The following WASHC2A variants were observed in gnomAD, a reference collection of about 807,000 sequenced individuals.
WASHC2A encodes WASH complex subunit FAM21A.
A neutral mutation model predicts 140.3 loss-of-function variants in WASHC2A; 82 were observed. That is an observed-to-expected ratio of 0.58 (90% confidence interval 0.49 to 0.70). The LOEUF is 0.70. WASHC2A is among the 30% of genes least tolerant of loss of function. The pLI is 0.00. For synonymous variants in WASHC2A, 340 were observed against 560.8 expected (o/e 0.61, Z 5.56); for missense variants, 985 against 1,521.8 (o/e 0.65, Z 5.87).
In WASHC2A at chr10:50,127,775, A is replaced by G. The variant is rs1247948398; in HGVS notation, c.3067A>G (p.Thr1023Ala). The G allele has an allele frequency of 1.3e-6, 2 of 1,520,542 alleles. No homozygotes were observed. Among genetic ancestry groups the G allele is most frequent in the African/African-American group, 2.8e-5 (2 of 70,798 alleles). The allele number at this position is 1,520,542 out of a possible 1,614,324, so 94.2% of individuals were successfully genotyped here. Residue 1023 changes from threonine (T) to alanine (A), a missense_variant, in exon 28 of 31, where the codon ACC becomes GCC. Physicochemically the swap from Thr to Ala is moderately conservative, Grantham distance 58. Transcript: ENST00000282633. ...VSFDLPAQADTLHSANKSRVK... is the reference protein window; with the variant it reads ...VSFDLPAQADALHSANKSRVK... ...TTTTGATCTTCCAGCTCAGGCAGAC[A>G]CCTTACACAGTGCAAACAAGGTGAT...
At position 50,127,703 on chromosome 10, in the gene WASHC2A, C is replaced by G; in HGVS notation, c.2995C>G (p.Leu999Val). 1 of 1,579,340 alleles carries G rather than the reference C, an allele frequency of 6.3e-7. No homozygotes were observed. Among genetic ancestry groups the G allele is most frequent in the Non-Finnish European group, 8.6e-7 (1 of 1,159,108 alleles). Residue 999 changes from leucine (L) to valine (V), a missense_variant, in exon 28 of 31, where the codon CTG becomes GTG. Transcript: ENST00000282633. ...PSSEHRRSHG[L>V]ESVPVLPGSG... is the part of the protein sequence containing the mutation. Reference sequence around the variant, plus strand: ...ATCTGAACACAGAAGGAGCCACGGTCTGGAAAGTGTGCCTGTCCTTCCCGG... The same window carrying G: ...ATCTGAACACAGAAGGAGCCACGGTGTGGAAAGTGTGCCTGTCCTTCCCGG...
chr10:50,093,478 A>G, intron 12 of WASHC2A, 92 bp downstream of exon 12: 2 of 616,318 alleles, frequency 3.2e-6, no homozygotes, highest in Non-Finnish European at 5.6e-6. Flanking sequence ...AGTGGGGGAA[A>G]AACAGTTTCT....
intron 17 of WASHC2A, among the ~76,000 whole-genome samples, chr10:50,100,393 A>AT (rs1378999168): frequency 6.6e-6 from 1 of 151,980 alleles, no homozygotes; most frequent in Non-Finnish European, 1.5e-5. Flanking sequence ...GAGATAGGAG[A>AT]TTCACTTGAA....
intron 17 of WASHC2A, among the ~76,000 whole-genome samples, chr10:50,103,355 C>G (rs1359248088): frequency 1.3e-5 from 2 of 151,728 alleles, no homozygotes; most frequent in Non-Finnish European, 2.9e-5. Context: ...GTCAGGAGAT[C>G]GAGACCATCC....
chr10:50,095,383 C>G (rs1259244740), intron 14 of WASHC2A, among the ~76,000 whole-genome samples, 176 bp downstream of exon 14: 1 of 152,154 alleles, frequency 6.6e-6, no homozygotes, highest in Non-Finnish European at 1.5e-5. Context: ...TCTCCTAGAG[C>G]TCAGTGGCCT....
At chr10:50,081,989 G>A (rs1481315058) in intron 5 of WASHC2A, among the ~76,000 whole-genome samples, 3 of 152,028 alleles carry the variant, frequency 2.0e-5, no homozygotes, top group Admixed American at 6.6e-5. Flanking sequence ...TTTGAGCTTT[G>A]CTGAGTCACA....
In WASHC2A at chr10:50,106,471, C is replaced by G. The variant is rs1554888624; in HGVS notation, c.1869+6C>G. 1.3e-6 allele frequency: 2 copies of G among 1,595,482 alleles called. No individual in the cohort carries two copies. Among genetic ancestry groups the G allele is most frequent in the Middle Eastern group, 2.3e-4 (1 of 4,364 alleles). ...TGTTCAGCAGTGATGAGGAGGTGAG[C>G]TGAGGTTTCTGCTAAAGAAGAGGGG... is the stretch of plus-strand genomic sequence containing the variant. On this transcript the variant is annotated splice_donor_region_variant and intron_variant, in intron 19 of 30. Transcript: ENST00000282633.
chr10:50,105,659 C>T (rs1841686161), intron 18 of WASHC2A, among the ~76,000 whole-genome samples: 1 of 151,012 alleles, frequency 6.6e-6, no homozygotes, highest in Non-Finnish European at 1.5e-5. Flanking sequence ...GATTCAGGCC[C>T]TCTGATGCTT....
rs1239252116 is a variant in WASHC2A at position 50,095,730 on chromosome 10, G to A, written c.1372G>A (p.Asp458Asn). 1.2e-6 allele frequency: 2 copies of A among 1,611,486 alleles called. No individual in the cohort carries two copies. Among genetic ancestry groups the A allele is most frequent in the Admixed American group, 1.7e-5 (1 of 59,932 alleles). ...TGLFDDDDGD[D>N]DDDFFSAPHS... The stretch of plus-strand genomic sequence containing the variant: ...CCTCTTTGATGATGATGATGGTGAT[G>A]ATGATGACGACTTTTTCTCGGCACC... Residue 458 changes from aspartate to asparagine, a missense_variant, in exon 15 of 31, where the codon GAT (aspartate) becomes AAT (asparagine). Coordinates refer to ENST00000282633, the MANE Select transcript of WASHC2A (RefSeq NM_001005751.3).
chr10:50,073,262 C>G (rs1156759261), intron 3 of WASHC2A, among the ~76,000 whole-genome samples: 2 of 151,730 alleles, frequency 1.3e-5, no homozygotes, highest in African/African-American at 4.8e-5. Context: ...CAATTGTTTC[C>G]AAATCTTAGC....
chr10:50,110,375 C>G (rs1436312645), intron 20 of WASHC2A, 105 bp downstream of exon 20: 4 of 1,473,060 alleles, frequency 2.7e-6, no homozygotes, highest in Middle Eastern at 2.4e-4. Flanking sequence ...TCATGGATCA[C>G]ATAGTGATTG....
chr10:50,079,587 C>T (rs1589158142), intron 4 of WASHC2A, among the ~76,000 whole-genome samples: 3 of 152,120 alleles, frequency 2.0e-5, no homozygotes, highest in Admixed American at 1.3e-4. Flanking sequence ...ATTGTAGAGA[C>T]GGGGTTTTGC....
At chr10:50,128,584 C>T (rs1843653580) in intron 28 of WASHC2A, among the ~76,000 whole-genome samples, 1 of 152,206 alleles carries the variant, frequency 6.6e-6, no homozygotes, top group African/African-American at 2.4e-5. Flanking sequence ...CAAATAGATT[C>T]ATTTCAAATG....
chr10:50,089,354 A>G (rs1272419598), intron 8 of WASHC2A, among the ~76,000 whole-genome samples: 2 of 149,322 alleles, frequency 1.3e-5, no homozygotes, highest in Non-Finnish European at 3.0e-5. Context: ...GCTAACCTCA[A>G]AGTTGTAAGG....
chr10:50,087,126 G>C, intron 7 of WASHC2A, 149 bp from the exon 8 acceptor site: 1 of 1,000,042 alleles, frequency 1.0e-6, no homozygotes, highest in Non-Finnish European at 1.6e-6. Flanking sequence ...TACTTAAGGT[G>C]ACCAGTAGTC....
At chr10:50,084,222 A>G (rs1839187082) in intron 6 of WASHC2A, 57 bp downstream of exon 6, 1 of 1,589,790 alleles carries the variant, frequency 6.3e-7, no homozygotes, top group Non-Finnish European at 8.6e-7. Flanking sequence ...ATTTTAAAAT[A>G]ATTTCAAATT....
chr10:50,117,935 T>C lies in WASHC2A; in HGVS notation c.2172T>C (p.Pro724=), dbSNP rs1842798177. Residue 724 remains proline (P), a synonymous_variant, in exon 22 of 31, where the codon CCT becomes CCC. Coordinates refer to ENST00000282633, the MANE Select transcript of WASHC2A (RefSeq NM_001005751.3). ...AAGAGACTGTCTCTGAGGCACCACC[T>C]TTGCTGTTCAGCGATGAAGAAGAGA... The part of the protein sequence containing the change: ...KKKETVSEAP[P]LLFSDEEEKE... The C allele has an allele frequency of 1.3e-6, 2 of 1,552,128 alleles. No individual in the cohort carries two copies. The highest frequency in any genetic ancestry group is 4.5e-5 in the East Asian group (2 of 44,142).
rs367776224 is a variant in WASHC2A at position 50,067,994 on chromosome 10, C to T, written c.-12C>T. The T allele has an allele frequency of 8.2e-5, 131 of 1,605,920 alleles. 1 individual carries two copies. In the East Asian group the frequency reaches 1.9e-3, roughly 24 times the overall value. On this transcript the variant is annotated 5_prime_UTR_variant, in exon 1 of 31. Coordinates refer to ENST00000282633, the MANE Select transcript of WASHC2A (RefSeq NM_001005751.3). The stretch of plus-strand genomic sequence containing the variant: ...CTGGCAGCTTCGGAGCCCACCGAGC[C>T]GGGCGGCTAGGATGGTGAGGGCGCC...
intron 18 of WASHC2A, among the ~76,000 whole-genome samples, chr10:50,105,260 C>G (rs1841641976): frequency 1.3e-5 from 2 of 151,316 alleles, no homozygotes; most frequent in Admixed American, 1.3e-4. Context: ...CAACCCAAAC[C>G]TTAACTCTCA....
Sources: allele counts gnomAD v4.1 joint callset (sites outside exome capture counted in the v4.1 genomes callset), GRCh38; gene constraint gnomAD v4.1.1; transcripts MANE v1.5; gene names NCBI Gene and HGNC (gene_info 2026-07-23, HGNC 2026-07-21).